The following CACNA2D1 variants were observed in gnomAD, a reference collection of about 807,000 sequenced individuals.
The protein encoded by CACNA2D1 is voltage-dependent calcium channel subunit alpha-2/delta-1.
CACNA2D1 carries 53 observed loss-of-function variants against 171.5 expected under a neutral mutation model. The ratio of observed to expected loss-of-function variants is 0.31; its 90% confidence interval spans 0.25 to 0.39. CACNA2D1 has a LOEUF of 0.39. Ranked by LOEUF, CACNA2D1 falls within the 10% of genes least tolerant of loss-of-function variation. CACNA2D1 has a pLI of 1.00. For missense variants in CACNA2D1, 903 were observed against 1,299.8 expected (o/e 0.69, Z 4.69); for synonymous variants, 442 against 443.1 (o/e 1.00, Z 0.03).
intron 3 of CACNA2D1, among the ~76,000 whole-genome samples, chr7:82,257,263 TCTC>T (rs1806414690): frequency 6.6e-6 from 1 of 152,176 alleles, no homozygotes; most frequent in Admixed American, 6.5e-5. Flanking sequence ...AGTCAGCTCT[TCTC>T]CTCAAAGGGA....
At position 82,197,827 on chromosome 7, in the gene CACNA2D1, T is replaced by A. The variant is rs927855961; in HGVS notation, c.295-27218A>T. Among the ~76,000 whole-genome samples, 10 of 134,244 alleles carry A rather than the reference T, an allele frequency of 7.4e-5. 2 individuals carry two copies. Among genetic ancestry groups the A allele is most frequent in the Non-Finnish European group, 1.3e-4 (8 of 60,212 alleles). 88.1% of individuals were successfully genotyped at this position (134,244 alleles called of 152,430 possible). ...ACTATACAAACACACACACACACAC[T>A]ACCATGTGTTTTAATTATATCTTAT... On this transcript the variant is annotated intron_variant, in intron 3 of 38. Coordinates refer to ENST00000356860, the MANE Select transcript of CACNA2D1 (RefSeq NM_000722.4).
chr7:82,101,003 GA>G (rs945055950), intron 6 of CACNA2D1, among the ~76,000 whole-genome samples: 10 of 151,958 alleles, frequency 6.6e-5, no homozygotes, highest in Non-Finnish European at 1.2e-4. Flanking sequence ...CTGAAATCTA[GA>G]ACTTACTATT....
chr7:82,408,022 CT>C (rs552179208), intron 1 of CACNA2D1, among the ~76,000 whole-genome samples: 317 of 136,560 alleles, frequency 2.3e-3, no homozygotes, highest in African/African-American at 3.5e-3. Flanking sequence ...CTTGTACTTT[CT>C]TTTTTTTTTT....
intron 3 of CACNA2D1, among the ~76,000 whole-genome samples, chr7:82,291,335 GAT>G (rs1811540480): frequency 7.8e-6 from 1 of 128,824 alleles, no homozygotes; most frequent in Admixed American, 8.3e-5. Flanking sequence ...TAGATATATA[GAT>G]ATCTTTATAC....
intron 3 of CACNA2D1, among the ~76,000 whole-genome samples, chr7:82,332,516 A>AAGAAAGAAAGAAAGAAAG (rs1817444501): frequency 5.7e-5 from 5 of 87,256 alleles, no homozygotes; most frequent in African/African-American, 2.1e-4. Context: ...AATATAAAGA[A>AAGAAAGAAAGAAAGAAAG]AGAAAGAAAG....
Position 82,309,520 on chromosome 7 carries a change from CAATT to C in CACNA2D1, c.294+25611_294+25614del, listed in dbSNP as rs374870676. Among the ~76,000 whole-genome samples, 671 of 152,198 alleles carry C rather than the reference CAATT, an allele frequency of 4.4e-3. 3 individuals carry two copies. Among genetic ancestry groups the C allele is most frequent in the African/African-American group, 0.016 (650 of 41,502 alleles). ...CAGGTAATTTAAGGTGTCTGAGCTA[CAATT>C]TTTAAGGCCATGAAACTGCTGCCTC... On this transcript the variant is annotated intron_variant, in intron 3 of 38. Coordinates refer to ENST00000356860, the MANE Select transcript of CACNA2D1 (RefSeq NM_000722.4).
chr7:82,337,890 G>A (rs1248429609), intron 2 of CACNA2D1, among the ~76,000 whole-genome samples: 1 of 152,082 alleles, frequency 6.6e-6, no homozygotes, highest in Admixed American at 6.6e-5. Context: ...CTTGTCACCT[G>A]TACATTCTTT....
chr7:82,355,200 T>C (rs1276696286), intron 1 of CACNA2D1, among the ~76,000 whole-genome samples: 1 of 152,120 alleles, frequency 6.6e-6, no homozygotes, highest in African/African-American at 2.4e-5. Context: ...CAAATTGCTC[T>C]AAGAAAGTTT....
intron 1 of CACNA2D1, among the ~76,000 whole-genome samples, chr7:82,357,705 T>C (rs867494216): frequency 2.2e-5 from 3 of 136,622 alleles, no homozygotes; most frequent in Middle Eastern, 3.8e-3. Flanking sequence ...GGAAGAGGGC[T>C]TGTTGTGGGG....
At chr7:82,153,075 A>T (rs552707094) in intron 4 of CACNA2D1, among the ~76,000 whole-genome samples, 1 of 149,920 alleles carries the variant, frequency 6.7e-6, no homozygotes, top group South Asian at 2.1e-4. Context: ...AATCCTTCTA[A>T]ACTTGCACAC....
chr7:82,150,289 A>AAAAAC (rs368360751), intron 4 of CACNA2D1, among the ~76,000 whole-genome samples: 1 of 139,616 alleles, frequency 7.2e-6, no homozygotes, highest in African/African-American at 2.7e-5. Context: ...CAACAAAAAA[A>AAAAAC]AACACCCTAG....
intron 2 of CACNA2D1, among the ~76,000 whole-genome samples, chr7:82,344,839 C>A (rs1308601159): frequency 1.3e-5 from 2 of 152,074 alleles, no homozygotes; most frequent in Non-Finnish European, 2.9e-5. Flanking sequence ...AAAAGCAAAA[C>A]ATATGGAATT....
At chr7:82,262,608 G>A (rs1018502575) in intron 3 of CACNA2D1, among the ~76,000 whole-genome samples, 1 of 152,068 alleles carries the variant, frequency 6.6e-6, no homozygotes, top group South Asian at 2.1e-4. Flanking sequence ...ATACCCCAAA[G>A]TATGATGCCT....
In CACNA2D1 at chr7:82,153,393, AT is replaced by A. The variant is rs574082897; in HGVS notation, c.355-16718del. ...GCAGATTATATATGATTAATAAAAT[AT>A]TTTTTAGATCTTATTTCTAATAAGT... On this transcript the variant is annotated intron_variant, in intron 4 of 38. Transcript: ENST00000356860. Among the ~76,000 whole-genome samples, 788 of 152,008 alleles carry A rather than the reference AT, an allele frequency of 5.2e-3. 7 individuals are homozygous for A. The highest frequency in any genetic ancestry group is 0.018 in the African/African-American group (742 of 41,506).
intron 6 of CACNA2D1, among the ~76,000 whole-genome samples, chr7:82,111,714 G>T (rs1372486063): frequency 6.6e-6 from 1 of 151,764 alleles, no homozygotes; most frequent in Non-Finnish European, 1.5e-5. Context: ...CTCCCAAAGT[G>T]CTGGGATTAC....
intron 4 of CACNA2D1, among the ~76,000 whole-genome samples, chr7:82,147,988 C>A (rs1793341523): frequency 6.6e-6 from 1 of 152,076 alleles, no homozygotes; most frequent in Non-Finnish European, 1.5e-5. Context: ...GAGAAACATC[C>A]AAGACGCCCC....
At chr7:82,100,340 T>C (rs1266949341) in intron 6 of CACNA2D1, among the ~76,000 whole-genome samples, 1 of 152,174 alleles carries the variant, frequency 6.6e-6, no homozygotes, top group African/African-American at 2.4e-5. Context: ...ATATAAAGTT[T>C]TTTATTTTAA....
intron 9 of CACNA2D1, among the ~76,000 whole-genome samples, chr7:82,063,967 T>G (rs1172871872): frequency 1.3e-5 from 2 of 151,740 alleles, no homozygotes; most frequent in African/African-American, 2.4e-5. Flanking sequence ...CAAGCAATCC[T>G]CCCACCTTAG....
chr7:82,130,661 C>T (rs981026990), intron 5 of CACNA2D1, among the ~76,000 whole-genome samples: 2 of 151,888 alleles, frequency 1.3e-5, no homozygotes, highest in Non-Finnish European at 2.9e-5. Flanking sequence ...AAATCATCTC[C>T]AGCAGAACTG....
Sources: gnomAD v4.1 joint callset for allele counts (sites outside exome capture counted in the v4.1 genomes callset) on GRCh38, gnomAD v4.1.1 for gene constraint, MANE v1.5 for transcripts, NCBI Gene and HGNC (gene_info 2026-07-23, HGNC 2026-07-21) for gene names.